The following GALC variants were observed in gnomAD, a reference collection of about 807,000 sequenced individuals.
GALC encodes the protein galactosylceramidase.
Under a neutral mutation model 91.8 loss-of-function variants are expected in GALC, and 77 were observed. That is an observed-to-expected ratio of 0.84 (90% CI 0.70 to 1.01). The LOEUF (loss-of-function observed/expected upper bound fraction) is 1.01. GALC is among the 50% of genes least tolerant of loss of function. GALC has a pLI of 0.00. For missense variants in GALC, 882 were observed against 855.9 expected, an observed-to-expected ratio of 1.03 and a Z score of -0.38; for synonymous variants, 357 against 306.7, an observed-to-expected ratio of 1.16 and a Z score of -1.71.
rs762113597 is a variant in GALC, at chr14:87,949,879, T to G, written c.1304A>C (p.Glu435Ala). The G allele has an allele frequency of 6.3e-7, 1 of 1,599,202 alleles. No homozygotes were observed. Among genetic ancestry groups the G allele is most frequent in the African/African-American group, 1.3e-5 (1 of 74,484 alleles). ...ATCCAGCTGCTTAAAAAGAAATCTT[T>G]CGGATGTTTTTCCAAGTTTGGTATA... is the stretch of plus-strand genomic sequence containing the variant. Reference protein sequence around the residue: ...VWYTKLGKTSERFLFKQLDSL... With the variant: ...VWYTKLGKTSARFLFKQLDSL... Residue 435 changes from glutamate to alanine, a missense_variant, in exon 12 of 17, where the codon GAA becomes GCA. Physicochemically the swap from Glu to Ala is moderately radical, Grantham distance 107. Transcript: ENST00000261304.
chr14:87,968,575 T>C (rs879138423), intron 7 of GALC, 85 bp from the exon 8 acceptor site: 2 of 1,309,060 alleles, frequency 1.5e-6, no homozygotes, highest in Non-Finnish European at 2.2e-6. Context: ...TATATAAAAA[T>C]ACGAGTCTTC....
intron 13 of GALC, among the ~76,000 whole-genome samples, chr14:87,946,613 G>T (rs1272068564): frequency 8.4e-5 from 1 of 11,852 alleles, no homozygotes; most frequent in Non-Finnish European, 5.1e-3. Context: ...ATTGGTCTTG[G>T]TGCTGGCAGT....
intron 10 of GALC, among the ~76,000 whole-genome samples, chr14:87,962,745 C>G (rs1372705506): frequency 6.6e-6 from 1 of 152,040 alleles, no homozygotes; most frequent in East Asian, 1.9e-4. Flanking sequence ...TTCTGTCTAC[C>G]TCCTTCTTGT....
At chr14:87,968,843 C>T (rs559247440) in intron 7 of GALC, among the ~76,000 whole-genome samples, 9 of 152,256 alleles carry the variant, frequency 5.9e-5, no homozygotes, top group Non-Finnish European at 1.0e-4. Flanking sequence ...CAGCCTAGAA[C>T]ACTCCAAGAG....
intron 6 of GALC, among the ~76,000 whole-genome samples, chr14:87,981,722 T>C (rs1355037486): frequency 6.6e-6 from 1 of 151,986 alleles, no homozygotes; most frequent in African/African-American, 2.4e-5. Context: ...ATAGGAAAAG[T>C]GGAACAAAAA....
Position 87,984,497 on chromosome 14 carries a change from C to G in GALC, c.479G>C (p.Gly160Ala), listed in dbSNP as rs376415427. 7.4e-6 allele frequency: 12 copies of G among 1,614,090 alleles called. No individual in the cohort carries two copies. In the African/African-American group the frequency reaches 1.2e-4, roughly 16 times the overall value. The change falls in exon 5 of 17, where the codon GGT (glycine) becomes GCT (alanine). Residue 160 changes from glycine to alanine, a missense_variant. Gly to Ala is a moderately conservative substitution (Grantham distance 60). Transcript: ENST00000261304. ...PWSFPGWLGK[G>A]FDWPYVNLQL... ...AAGATTGACATAAGGCCAGTCGAAA[C>G]CTTTTCCCAGCCATCCAGGGAATGA... is the stretch of plus-strand genomic sequence containing the variant.
chr14:87,978,864 C>T (rs2140021760), intron 6 of GALC, among the ~76,000 whole-genome samples: 1 of 151,256 alleles, frequency 6.6e-6, no homozygotes, highest in African/African-American at 2.4e-5. Flanking sequence ...ATACCCTTGT[C>T]ATCTTTATAT....
At chr14:87,970,100 A>G (rs773380350) in intron 7 of GALC, among the ~76,000 whole-genome samples, 1 of 152,148 alleles carries the variant, frequency 6.6e-6, no homozygotes, top group Non-Finnish European at 1.5e-5. Flanking sequence ...AATTCAAAAA[A>G]TTACACTTTA....
In GALC at chr14:87,934,109, G is replaced by A; in HGVS notation, c.*623C>T. 1 of 1,492,024 alleles carries A rather than the reference G, an allele frequency of 6.7e-7. No homozygotes were observed. Among genetic ancestry groups the A allele is most frequent in the Non-Finnish European group, 8.9e-7 (1 of 1,119,232 alleles). 92.4% of individuals were successfully genotyped at this position (1,492,024 alleles called of 1,614,324 possible). On this transcript the variant is annotated 3_prime_UTR_variant, in exon 17 of 17. Transcript: ENST00000261304. ...TAATCTGCTAATATCTATTACTGCA[G>A]AAATAGTGTTAGAGGTAGTTTATTA...
chr14:87,966,765 C>G (rs1886072295), intron 8 of GALC, among the ~76,000 whole-genome samples: 1 of 152,090 alleles, frequency 6.6e-6, no homozygotes, highest in South Asian at 2.1e-4. Flanking sequence ...CATTCCATTT[C>G]TAAGAATACA....
intron 7 of GALC, among the ~76,000 whole-genome samples, chr14:87,974,804 T>C (rs1383835898): frequency 1.3e-5 from 2 of 151,852 alleles, no homozygotes; most frequent in Non-Finnish European, 2.9e-5. Flanking sequence ...GCAATAAAAT[T>C]AGAAATTAAT....
chr14:87,954,691 G>A (rs1040986834), intron 10 of GALC: 12 of 1,557,204 alleles, frequency 7.7e-6, no homozygotes, highest in Non-Finnish European at 9.7e-6. Context: ...TTTCAGAGCT[G>A]TCATTTCCTA....
At chr14:87,992,834 T>G in intron 1 of GALC, 136 bp downstream of exon 1, 1 of 1,401,200 alleles carries the variant, frequency 7.1e-7, no homozygotes, top group Admixed American at 3.2e-5. Context: ...AACCGCCTGC[T>G]GACTGGCACC....
At chr14:87,977,298 C>T (rs1886541067) in intron 6 of GALC, among the ~76,000 whole-genome samples, 2 of 152,040 alleles carry the variant, frequency 1.3e-5, no homozygotes, top group South Asian at 4.1e-4. Context: ...AAGTAACAAG[C>T]TAAATTTTAA....
At chr14:87,959,079 A>G (rs766693497) in intron 10 of GALC, among the ~76,000 whole-genome samples, 2 of 152,204 alleles carry the variant, frequency 1.3e-5, no homozygotes, top group Admixed American at 6.5e-5. Context: ...CAAATTATAC[A>G]TGAGACAAGG....
intron 10 of GALC, among the ~76,000 whole-genome samples, chr14:87,960,410 T>C (rs906132514): frequency 4.6e-5 from 7 of 152,032 alleles, no homozygotes; most frequent in African/African-American, 2.4e-5. Context: ...AGAGAGGCTT[T>C]TGAATGCTTT....
intron 15 of GALC, among the ~76,000 whole-genome samples, chr14:87,940,912 G>A (rs1235012058): frequency 1.3e-5 from 2 of 151,706 alleles, no homozygotes; most frequent in Admixed American, 1.3e-4. Flanking sequence ...CTAACACAAG[G>A]GCTGTAAAGA....
intron 10 of GALC, among the ~76,000 whole-genome samples, chr14:87,960,626 G>C (rs1410632163): frequency 6.6e-6 from 1 of 152,154 alleles, no homozygotes; most frequent in Non-Finnish European, 1.5e-5. Flanking sequence ...CGTCAGGACA[G>C]ATATATAAGT....
rs1311377246 is a variant in GALC, at chr14:87,963,447, T to A, written c.1098A>T (p.Lys366Asn). 6.8e-6 allele frequency: 11 copies of A among 1,613,208 alleles called. No homozygotes were observed. The highest frequency in any genetic ancestry group is 1.6e-4 in the Middle Eastern group (1 of 6,080). The change falls in exon 10 of 17, where the codon AAA (lysine) becomes AAT (asparagine). Residue 366 changes from lysine to asparagine, a missense_variant. Coordinates refer to ENST00000261304, the MANE Select transcript of GALC (RefSeq NM_000153.4). ...YYLKTVGHLE[K>N]GGSYVALTDG... ...CAGTCAGAGCTACGTAGCTTCCTCC[T>A]TTCTCTAAATGGCCAACTGTCTTCA...
Sources: allele counts gnomAD v4.1 joint callset (sites outside exome capture counted in the v4.1 genomes callset), GRCh38; gene constraint gnomAD v4.1.1; transcripts MANE v1.5; gene names NCBI Gene and HGNC (gene_info 2026-07-23, HGNC 2026-07-21).